The following SPI1 variants were observed in gnomAD, a reference collection of about 807,000 sequenced individuals.
The protein encoded by SPI1 is Spi-1 proto-oncogene, also known as transcription factor PU.1.
In SPI1, 3 loss-of-function variants were observed where a neutral mutation model predicts 30.7. That is an observed-to-expected ratio of 0.10 (90% confidence interval 0.04 to 0.25). The LOEUF (loss-of-function observed/expected upper bound fraction) is 0.25, where lower values mean the gene tolerates loss of function less well. Ranked by LOEUF, SPI1 falls within the 10% of genes least tolerant of loss-of-function variation. The pLI is 1.00. For missense variants in SPI1, 261 were observed against 371.5 expected (o/e 0.70, Z 2.45); for synonymous variants, 169 against 157.1 (o/e 1.08, Z -0.56).
At chr11:47,367,675 A>C (rs555670353) in intron 2 of SPI1, among the ~76,000 whole-genome samples, 1 of 152,076 alleles carries the variant, frequency 6.6e-6, no homozygotes, top group African/African-American at 2.4e-5. Flanking sequence ...GGTGCAGAAA[A>C]ATTAGGATAT....
Position 47,355,458 on chromosome 11 carries a change from C to A in SPI1, c.582G>T (p.Lys194Asn). 1 of 1,613,612 alleles carries A rather than the reference C, an allele frequency of 6.2e-7. No individual in the cohort carries two copies. Among genetic ancestry groups the A allele is most frequent in the Non-Finnish European group, 8.5e-7 (1 of 1,179,666 alleles). The change falls in exon 5 of 5, where the codon AAG (lysine) becomes AAT (asparagine). Residue 194 changes from lysine to asparagine, a missense_variant. Physicochemically the swap from Lys to Asn is moderately conservative, Grantham distance 94. Around this residue, in one of 5 missense-constraint regions of SPI1, gnomAD observed 43 missense variants for 123.8 expected, o/e 0.35. Coordinates refer to ENST00000378538, the MANE Select transcript of SPI1 (RefSeq NM_003120.3). ...DMKDSIWWVD[K>N]DKGTFQFSSK... ...ACGAGAACTGGAAGGTGCCCTTGTC[C>A]TTGTCCACCCACCAGATGCTGTCCT...
Position 47,359,821 on chromosome 11 carries a change from T to G in SPI1, c.330+32A>C. 3 of 1,598,102 alleles carry G rather than the reference T, an allele frequency of 1.9e-6. No individual in the cohort carries two copies. In the South Asian group the frequency reaches 3.3e-5, roughly 18 times the overall value. On this transcript the variant is annotated intron_variant, in intron 3 of 4. Coordinates refer to ENST00000378538, the MANE Select transcript of SPI1 (RefSeq NM_003120.3). This position sits in a 1 kb window ranked among gnomAD's most constrained non-coding sequence, Gnocchi z 5.1. ...GGGCCCCACCACAGGCCTGGCAGTC[T>G]CCTGGGGGACGGGGCAGGCGGTGGC...
chr11:47,375,551 A>C lies in SPI1; in HGVS notation c.142+82T>G. On this transcript the variant is annotated intron_variant, in intron 2 of 4. Transcript: ENST00000378538. This position sits in a 1 kb window ranked among gnomAD's most constrained non-coding sequence, Gnocchi z 4.2. The stretch of plus-strand genomic sequence containing the variant: ...TCAGAATTCCAAAGAAGTCCTGGGA[A>C]TCATTTATTCTTTTTCTCTCTCCAG... 6 of 1,068,176 alleles carry C rather than the reference A, an allele frequency of 5.6e-6. No homozygotes were observed. Among genetic ancestry groups the C allele is most frequent in the Non-Finnish European group, 8.6e-6 (6 of 696,734 alleles). 66.2% of individuals were successfully genotyped at this position (1,068,176 alleles called of 1,614,324 possible). A position where few individuals can be genotyped will look rare whatever the true frequency, so the allele number is the denominator to read the frequency against.
chr11:47,357,064 C>T (rs993499081), intron 4 of SPI1, among the ~76,000 whole-genome samples: 2 of 151,748 alleles, frequency 1.3e-5, no homozygotes, highest in African/African-American at 4.8e-5. Context: ...CTCATGCTCA[C>T]ACACATGCTA....
At chr11:47,377,620 C>T (rs947230106) in intron 1 of SPI1, among the ~76,000 whole-genome samples, 1 of 152,030 alleles carries the variant, frequency 6.6e-6, no homozygotes, top group Admixed American at 6.6e-5. Flanking sequence ...CCACCCAGCC[C>T]CAATCTCAGT....
chr11:47,367,097 G>T (rs1488887416), intron 2 of SPI1, among the ~76,000 whole-genome samples: 2 of 152,148 alleles, frequency 1.3e-5, no homozygotes, highest in Non-Finnish European at 2.9e-5. Context: ...AAGGATAGTT[G>T]GAAAGGTGGC....
At chr11:47,357,102 CAT>C (rs1431589402) in intron 4 of SPI1, among the ~76,000 whole-genome samples, 3 of 151,512 alleles carry the variant, frequency 2.0e-5, no homozygotes, top group African/African-American at 7.3e-5. Flanking sequence ...ACACCTCACA[CAT>C]TCACACCCAC....
intron 4 of SPI1, 181 bp downstream of exon 4, chr11:47,358,663 C>A (rs1250452199): frequency 1.9e-5 from 14 of 722,822 alleles, no homozygotes; most frequent in Non-Finnish European, 3.5e-5. Flanking sequence ...CACTACACAG[C>A]AGATACACAC....
intron 4 of SPI1, among the ~76,000 whole-genome samples, chr11:47,357,693 G>A (rs950520086): frequency 2.0e-5 from 3 of 152,238 alleles, no homozygotes; most frequent in Non-Finnish European, 2.9e-5. Context: ...AGCCTTCCAA[G>A]TAGCTGGGAT....
In SPI1 at chr11:47,375,570, T is replaced by C; in HGVS notation, c.142+63A>G. The C allele has an allele frequency of 1.6e-6, 2 of 1,258,630 alleles. No homozygotes were observed. The highest frequency in any genetic ancestry group is 2.3e-6 in the Non-Finnish European group (2 of 865,968). 78.0% of individuals were successfully genotyped at this position (1,258,630 alleles called of 1,614,324 possible). On this transcript the variant is annotated intron_variant, in intron 2 of 4. Transcript: ENST00000378538. This position sits in a 1 kb window ranked among gnomAD's most constrained non-coding sequence, Gnocchi z 4.2. ...CTGGGAATCATTTATTCTTTTTCTC[T>C]CTCCAGACCCCAGGAGCCCAGGCTG...
Position 47,355,081 on chromosome 11 carries a change from G to C in SPI1, c.*146C>G. On this transcript the variant is annotated 3_prime_UTR_variant, in exon 5 of 5. Coordinates refer to ENST00000378538, the MANE Select transcript of SPI1 (RefSeq NM_003120.3). Reference sequence around the variant, plus strand: ...CGGGATGTGGAGGGGGCCTGGAGTGGGGGGAGGGGGCGGGTGAGGCGAGGC... The same window carrying C: ...CGGGATGTGGAGGGGGCCTGGAGTGCGGGGAGGGGGCGGGTGAGGCGAGGC... 4.2e-6 allele frequency: 2 copies of C among 474,888 alleles called. No homozygotes were observed. Among genetic ancestry groups the C allele is most frequent in the East Asian group, 4.3e-5 (1 of 23,474 alleles). The allele number at this position is 474,888 out of a possible 1,614,324, so 29.4% of individuals were successfully genotyped here. A position where few individuals can be genotyped will look rare whatever the true frequency, so the allele number is the denominator to read the frequency against.
In SPI1 at chr11:47,378,359, C is replaced by A. The variant is rs370649954; in HGVS notation, c.-6G>T. On this transcript the variant is annotated 5_prime_UTR_variant, in exon 1 of 5. Coordinates refer to ENST00000378538, the MANE Select transcript of SPI1 (RefSeq NM_003120.3). ...ATTTTGCACGCCTGTAACATCCAGCCGGGCTCCGAGTCGGTCAGATCCCCT... is the reference window on the plus strand; with the variant it reads ...ATTTTGCACGCCTGTAACATCCAGCAGGGCTCCGAGTCGGTCAGATCCCCT... 3.7e-6 allele frequency: 6 copies of A among 1,612,282 alleles called. No homozygotes were observed. In the African/African-American group the frequency reaches 6.7e-5, roughly 18 times the overall value.
At chr11:47,370,635 G>A (rs1311770791) in intron 2 of SPI1, among the ~76,000 whole-genome samples, 1 of 152,204 alleles carries the variant, frequency 6.6e-6, no homozygotes, top group African/African-American at 2.4e-5. Flanking sequence ...CCAGGAGGCT[G>A]AGGCTGCAGT....
At chr11:47,377,496 CCTTCT>C (rs1425270686) in intron 1 of SPI1, among the ~76,000 whole-genome samples, 1 of 152,064 alleles carries the variant, frequency 6.6e-6, no homozygotes, top group Non-Finnish European at 1.5e-5. Flanking sequence ...GGCGATCTGC[CCTTCT>C]CTTCTCGGGG....
intron 2 of SPI1, among the ~76,000 whole-genome samples, chr11:47,369,567 A>AG: frequency 6.6e-6 from 1 of 151,684 alleles, no homozygotes. Flanking sequence ...AGAGAAAAAA[A>AG]AAAAACAACA....
rs1421493537 is a variant in SPI1 at position 47,375,774 on chromosome 11, C to A, written c.46-45G>T. The stretch of plus-strand genomic sequence containing the variant: ...CAGGGCCTGCACCATGGTGGGAGAC[C>A]CCAGCCAGGCCTGCAGCACCCCCGC... On this transcript the variant is annotated intron_variant, in intron 1 of 4. Transcript: ENST00000378538. This position sits in a 1 kb window ranked among gnomAD's most constrained non-coding sequence, Gnocchi z 4.2. 6.6e-7 allele frequency: 1 copy of A among 1,504,726 alleles called. No individual in the cohort carries two copies. The highest frequency in any genetic ancestry group is 9.2e-7 in the Non-Finnish European group (1 of 1,081,798). 93.2% of individuals were successfully genotyped at this position (1,504,726 alleles called of 1,614,324 possible). A position where few individuals can be genotyped will look rare whatever the true frequency, so the allele number is the denominator to read the frequency against.
chr11:47,366,315 A>C (rs2095928061), intron 2 of SPI1, among the ~76,000 whole-genome samples: 1 of 152,146 alleles, frequency 6.6e-6, no homozygotes, highest in African/African-American at 2.4e-5. Flanking sequence ...TAAAAATAAA[A>C]TCATATTCAA....
At chr11:47,362,095 AGCC>A (rs1221191509) in intron 2 of SPI1, among the ~76,000 whole-genome samples, 3 of 152,140 alleles carry the variant, frequency 2.0e-5, no homozygotes, top group African/African-American at 7.2e-5. Context: ...TATTTCTCCA[AGCC>A]TGTGTCCTCA....
intron 2 of SPI1, among the ~76,000 whole-genome samples, chr11:47,361,256 CAG>C (rs2095920433): frequency 6.6e-6 from 1 of 152,198 alleles, no homozygotes; most frequent in South Asian, 2.1e-4. Flanking sequence ...GGTGTGACAG[CAG>C]AGTCACAGGG....
Sources: allele counts gnomAD v4.1 joint callset (sites outside exome capture counted in the v4.1 genomes callset), GRCh38; gene constraint gnomAD v4.1.1; regional missense constraint gnomAD v4.1.1; non-coding constraint Gnocchi (gnomAD v3.1); transcripts MANE v1.5; gene names NCBI Gene and HGNC (gene_info 2026-07-23, HGNC 2026-07-21).